The following HECW2 variants were observed in gnomAD, a reference collection of about 807,000 sequenced individuals.
HECW2 encodes the protein E3 ubiquitin-protein ligase HECW2.
In HECW2, 61 loss-of-function variants were observed where a neutral mutation model predicts 175.2. The observed-to-expected ratio is 0.35, with a 90% CI of 0.28 to 0.43. The LOEUF (loss-of-function observed/expected upper bound fraction) is 0.43, where lower values mean the gene tolerates loss of function less well. HECW2 is among the 20% of genes least tolerant of loss of function. The pLI, the probability that HECW2 is intolerant of heterozygous loss-of-function variation, is 1.00. For synonymous variants in HECW2, 671 were observed against 731.0 expected (o/e 0.92, Z 1.32); for missense variants, 1,524 against 2,000.5 (o/e 0.76, Z 4.54).
chr2:196,511,056 C>T (rs994448742), intron 1 of HECW2, among the ~76,000 whole-genome samples: 6 of 152,136 alleles, frequency 3.9e-5, no homozygotes, highest in African/African-American at 1.4e-4. Context: ...ACCTCTGCCT[C>T]CCAAGTTCAG....
At position 196,319,101 on chromosome 2, in the gene HECW2, C is replaced by T; in HGVS notation, c.1789G>A (p.Glu597Lys). The T allele has an allele frequency of 3.1e-6, 5 of 1,598,554 alleles. No individual in the cohort carries two copies. The highest frequency in any genetic ancestry group is 4.3e-6 in the Non-Finnish European group (5 of 1,172,560). Residue 597 changes from glutamate to lysine, a missense_variant, in exon 9 of 29, where the codon GAG becomes AAG. Transcript: ENST00000644978. ...GAGCCCTGATCGAGAGACTCGGTCT[C>T]ACTGACGGCTCTTCGGCTTCCTCCT... ...ASGGSRRAVS[E>K]TESLDQGSEP... is the part of the protein sequence containing the mutation.
At chr2:196,383,964 AAATGGCAATGGG>A (rs1294685052) in intron 2 of HECW2, among the ~76,000 whole-genome samples, 7 of 152,168 alleles carry the variant, frequency 4.6e-5, no homozygotes, top group African/African-American at 1.7e-4. Flanking sequence ...CTCATCTGTA[AAATGGCAATGGG>A]AATTGTACAA....
intron 2 of HECW2, among the ~76,000 whole-genome samples, chr2:196,399,983 T>C (rs1233891171): frequency 6.6e-6 from 1 of 152,136 alleles, no homozygotes; most frequent in African/African-American, 2.4e-5. Flanking sequence ...AATCTTATAT[T>C]TAACTGAATT....
chr2:196,554,717 C>T (rs1209806608), intron 1 of HECW2, among the ~76,000 whole-genome samples: 2 of 152,216 alleles, frequency 1.3e-5, no homozygotes, highest in African/African-American at 4.8e-5. Context: ...TAATTTCCAC[C>T]AGCTTCATCT....
intron 2 of HECW2, among the ~76,000 whole-genome samples, chr2:196,405,147 T>A (rs774067014): frequency 3.9e-5 from 6 of 151,966 alleles, no homozygotes; most frequent in Non-Finnish European, 7.4e-5. Context: ...GTTGGTAATA[T>A]TTCTAACTCC....
chr2:196,281,641 C>T (rs1438956065), intron 14 of HECW2, among the ~76,000 whole-genome samples: 2 of 13,864 alleles, frequency 1.4e-4, no homozygotes, highest in African/African-American at 9.7e-4. Context: ...GAGACCCCGT[C>T]TCAAAAAAAA....
At chr2:196,544,841 G>C (rs2125472980) in intron 1 of HECW2, among the ~76,000 whole-genome samples, 1 of 152,298 alleles carries the variant, frequency 6.6e-6, no homozygotes, top group African/African-American at 2.4e-5. Flanking sequence ...GGGGAACAGG[G>C]AACAGCAAAG....
At chr2:196,362,427 A>AG (rs1454828967) in intron 2 of HECW2, among the ~76,000 whole-genome samples, 2 of 150,784 alleles carry the variant, frequency 1.3e-5, no homozygotes, top group Non-Finnish European at 2.9e-5. Flanking sequence ...CAGAAAGGGG[A>AG]GCTTGCTATT....
intron 13 of HECW2, among the ~76,000 whole-genome samples, chr2:196,304,003 C>T (rs1691167923): frequency 4.6e-5 from 7 of 152,036 alleles, no homozygotes; most frequent in Admixed American, 3.3e-4. Flanking sequence ...CTTAGTCTCC[C>T]TGATGCCAAG....
chr2:196,567,593 T>C lies in HECW2; in HGVS notation c.-36+25915A>G, dbSNP rs562698333. Among the ~76,000 whole-genome samples the C allele has an allele frequency of 1.2e-4, 18 of 152,304 alleles. No homozygotes were observed. In the South Asian group the frequency reaches 3.5e-3, roughly 30 times the overall value. On this transcript the variant is annotated intron_variant, in intron 1 of 28. Coordinates refer to ENST00000644978, the MANE Select transcript of HECW2 (RefSeq NM_001348768.2). ...CGGAATCACATGCCTATAGAGCCTATTGCCCTAGGGAAAGTAGATGATGGA... is the reference window on the plus strand; with the variant it reads ...CGGAATCACATGCCTATAGAGCCTACTGCCCTAGGGAAAGTAGATGATGGA...
intron 2 of HECW2, among the ~76,000 whole-genome samples, chr2:196,365,060 T>C (rs1210415289): frequency 6.6e-6 from 1 of 152,218 alleles, no homozygotes; most frequent in Non-Finnish European, 1.5e-5. Context: ...ATTATTACAG[T>C]TTTCAACATT....
At chr2:196,505,163 C>T (rs1575613411) in intron 1 of HECW2, among the ~76,000 whole-genome samples, 1 of 152,100 alleles carries the variant, frequency 6.6e-6, no homozygotes, top group African/African-American at 2.4e-5. Context: ...AATAACCACA[C>T]CTTACCATTT....
At chr2:196,348,198 A>G (rs1197372855) in intron 2 of HECW2, among the ~76,000 whole-genome samples, 14 of 152,156 alleles carry the variant, frequency 9.2e-5, no homozygotes, top group Non-Finnish European at 2.1e-4. Flanking sequence ...GAGTGGTAGC[A>G]TTTTCTCTGC....
chr2:196,253,769 T>C (rs1688946625), intron 19 of HECW2, 151 bp downstream of exon 19: 2 of 608,726 alleles, frequency 3.3e-6, no homozygotes, highest in African/African-American at 3.6e-5. Context: ...TAAGCCACTC[T>C]TACGAGACAG....
chr2:196,401,990 G>A (rs1333297932), intron 2 of HECW2, among the ~76,000 whole-genome samples: 2 of 151,844 alleles, frequency 1.3e-5, no homozygotes, highest in Non-Finnish European at 2.9e-5. Flanking sequence ...CACAAGGTCA[G>A]GAGATCGAGA....
intron 1 of HECW2, among the ~76,000 whole-genome samples, chr2:196,496,982 T>C (rs1254520535): frequency 1.3e-5 from 2 of 152,220 alleles, no homozygotes; most frequent in Non-Finnish European, 2.9e-5. Flanking sequence ...TCTTGGTATC[T>C]GCCTTACAGG....
chr2:196,345,849 C>T (rs1030378439), intron 2 of HECW2, among the ~76,000 whole-genome samples: 1 of 152,284 alleles, frequency 6.6e-6, no homozygotes, highest in African/African-American at 2.4e-5. Context: ...CTTTAATTAG[C>T]AGAGCTGCTT....
chr2:196,201,085 G>T lies in HECW2; in HGVS notation c.*192C>A. 1 of 539,884 alleles carries T rather than the reference G, an allele frequency of 1.9e-6. No individual in the cohort carries two copies. The allele number at this position is 539,884 out of a possible 1,614,324, so 33.4% of individuals were successfully genotyped here. ...GGTTGGGTTGTTCCCTGGGCATCAA[G>T]CTCACCCAAATCCTTCCAAGAGGAC... On this transcript the variant is annotated 3_prime_UTR_variant, in exon 29 of 29. Transcript: ENST00000644978.
intron 13 of HECW2, among the ~76,000 whole-genome samples, chr2:196,297,512 C>A (rs1479819276): frequency 6.6e-6 from 1 of 152,186 alleles, no homozygotes; most frequent in African/African-American, 2.4e-5. Flanking sequence ...AAATAATAAT[C>A]AATCCCCTCT....
Sources: allele counts gnomAD v4.1 joint callset (sites outside exome capture counted in the v4.1 genomes callset), GRCh38; gene constraint gnomAD v4.1.1; transcripts MANE v1.5; gene names NCBI Gene and HGNC (gene_info 2026-07-23, HGNC 2026-07-21).